The following ACSS2 variants were observed in gnomAD, a reference collection of about 807,000 sequenced individuals.
The protein encoded by ACSS2 is acyl-CoA synthetase short chain family member 2.
In ACSS2, 58 loss-of-function variants were observed where a neutral mutation model predicts 90.6. The observed-to-expected ratio is 0.64, with a 90% CI of 0.52 to 0.80. ACSS2 has a LOEUF of 0.80. Ranked by LOEUF, ACSS2 falls within the 30% of genes least tolerant of loss-of-function variation. ACSS2 has a pLI of 0.00. For synonymous variants in ACSS2, 300 were observed against 330.9 expected (o/e 0.91, Z 1.01); for missense variants, 759 against 912.0 (o/e 0.83, Z 2.16).
chr20:34,879,496 GACACACAC>G (rs11467604), intron 1 of ACSS2, among the ~76,000 whole-genome samples: 80,257 of 147,788 alleles, frequency 0.54, 22,297 homozygotes, highest in South Asian at 0.73. Context: ...TCCAGATTCT[GACACACAC>G]ACACACACAC....
Position 34,925,779 on chromosome 20 carries a change from G to A in ACSS2, c.1726+13G>A, listed in dbSNP as rs746920114. The A allele has an allele frequency of 9.9e-6, 16 of 1,610,652 alleles. No homozygotes were observed. Among genetic ancestry groups the A allele is most frequent in the Admixed American group, 1.7e-5 (1 of 59,652 alleles). Reference sequence around the variant, plus strand: ...CTCAATGTATCTGGTGAGGGCCAGGGGCCACCTTCCCATCTTATTAACTCT... The same window carrying A: ...CTCAATGTATCTGGTGAGGGCCAGGAGCCACCTTCCCATCTTATTAACTCT... On this transcript the variant is annotated intron_variant, in intron 15 of 17. Transcript: ENST00000360596.
intron 2 of ACSS2, among the ~76,000 whole-genome samples, chr20:34,899,583 G>C (rs923590903): frequency 1.3e-5 from 2 of 151,000 alleles, no homozygotes; most frequent in Non-Finnish European, 3.0e-5. Context: ...TCCGCCTCCC[G>C]GGTTCAAGCG....
At position 34,895,761 on chromosome 20, in the gene ACSS2, A is replaced by G. The variant is rs2080445444; in HGVS notation, c.374+12772A>G. Among the ~76,000 whole-genome samples the G allele has an allele frequency of 2.6e-5, 4 of 152,316 alleles. No homozygotes were observed. In the South Asian group the frequency reaches 8.3e-4, roughly 32 times the overall value. On this transcript the variant is annotated intron_variant, in intron 2 of 17. Transcript: ENST00000360596. ...AAAGAAGAACCAACTCAGACAGATC[A>G]TTGTTAGGAAATATTACATATGGAA...
chr20:34,914,113 GA>G lies in ACSS2; in HGVS notation c.665del (p.Lys222SerfsTer3). 6.2e-7 allele frequency: 1 copy of G among 1,614,166 alleles called. No homozygotes were observed. Among genetic ancestry groups the G allele is most frequent in the Non-Finnish European group, 8.5e-7 (1 of 1,180,002 alleles). On this transcript the variant is annotated frameshift_variant, in exon 6 of 18. Coordinates refer to ENST00000360596, the MANE Select transcript of ACSS2 (RefSeq NM_018677.4). LOFTEE classifies it high-confidence loss of function. ...CCCCAAAGATGCCTTCTACAGGGGG[GA>G]AAAGCTTGTGAACCTGAAGGAGCTG... The part of the protein sequence containing the change: ...LITTDAFYRG[E>X]KLVNLKELAD...
At chr20:34,909,033 C>A in intron 2 of ACSS2, 1 of 395,584 alleles carries the variant, frequency 2.5e-6, no homozygotes, top group Non-Finnish European at 5.0e-6. Context: ...GAATATTTTG[C>A]AGCTGAGAAA....
At position 34,921,799 on chromosome 20, in the gene ACSS2, T is replaced by C. The variant is rs1452478600; in HGVS notation, c.1481T>C (p.Phe494Ser). The change falls in exon 13 of 18, where the codon TTT becomes TCT. Residue 494 changes from phenylalanine to serine, a missense_variant. Transcript: ENST00000360596. Reference protein sequence around the residue: ...MKPGSATFPFFGVAPAILNES... With the variant: ...MKPGSATFPFSGVAPAILNES... ...GTTTGCTTCTAGACTTTCCCATTCT[T>C]TGGTGTAGCTCCTGCAATCCTGAAT... 4.3e-6 allele frequency: 7 copies of C among 1,613,844 alleles called. No individual in the cohort carries two copies. The highest frequency in any genetic ancestry group is 5.9e-6 in the Non-Finnish European group (7 of 1,179,918).
chr20:34,901,587 T>C (rs960050220), intron 2 of ACSS2, among the ~76,000 whole-genome samples: 9 of 152,250 alleles, frequency 5.9e-5, no homozygotes, highest in Non-Finnish European at 2.9e-5. Flanking sequence ...GGTATACTTA[T>C]ATCTTGAGTG....
chr20:34,879,521 ACACACACC>A (rs993092462), intron 1 of ACSS2, among the ~76,000 whole-genome samples: 4 of 78,916 alleles, frequency 5.1e-5, no homozygotes, highest in African/African-American at 1.9e-4. Flanking sequence ...ACACACACAC[ACACACACC>A]CCTACCCCCC....
Position 34,920,616 on chromosome 20 carries a change from G to C in ACSS2, c.1050G>C (p.Glu350Asp). ...AGTATGTGTTTGACTTCCATGCAGA[G>C]GATGTGTTCTGGTGCACGGCAGACA... ...TFKYVFDFHA[E>D]DVFWCTADIG... The change falls in exon 9 of 18, where the codon GAG (glutamate) becomes GAC (aspartate). Residue 350 changes from glutamate (E) to aspartate (D), a missense_variant. By Grantham distance (45) the Glu-to-Asp change is conservative. Transcript: ENST00000360596. 6.2e-7 allele frequency: 1 copy of C among 1,614,216 alleles called. No homozygotes were observed. The highest frequency in any genetic ancestry group is 8.5e-7 in the Non-Finnish European group (1 of 1,180,038).
At chr20:34,878,967 C>G (rs2079995588) in intron 1 of ACSS2, among the ~76,000 whole-genome samples, 1 of 146,258 alleles carries the variant, frequency 6.8e-6, no homozygotes, top group African/African-American at 2.5e-5. Flanking sequence ...TGCAGTGGCG[C>G]GATCTCGGCT....
intron 14 of ACSS2, among the ~76,000 whole-genome samples, chr20:34,924,689 T>C (rs1364934220): frequency 2.7e-5 from 3 of 112,410 alleles, no homozygotes; most frequent in Non-Finnish European, 3.9e-5. Context: ...TTTTTTGTTG[T>C]TGTTGTTGTT....
intron 1 of ACSS2, among the ~76,000 whole-genome samples, chr20:34,880,631 A>G (rs1262448148): frequency 2.6e-5 from 4 of 152,110 alleles, no homozygotes; most frequent in Admixed American, 1.3e-4. Flanking sequence ...AGACTGCGCC[A>G]ATTTCTTACA....
intron 7 of ACSS2, 73 bp from the exon 8 acceptor site, chr20:34,919,362 C>T: frequency 6.3e-7 from 1 of 1,587,650 alleles, no homozygotes; most frequent in Non-Finnish European, 8.6e-7. Context: ...CTCATTCCCT[C>T]CAGGGGCAAG....
rs59349371 is a variant in ACSS2, at chr20:34,927,106, G to C, written c.1998G>C (p.Val666=). 1.2e-6 allele frequency: 2 copies of C among 1,614,156 alleles called. No homozygotes were observed. The highest frequency in any genetic ancestry group is 3.3e-5 in the Admixed American group (2 of 60,010). ...KTRSGKIMRR[V]LRKIAQNDHD... ...CCCCAGGGAAAATCATGAGGCGAGTGCTTCGGAAGATTGCTCAGAATGACC... is the reference window on the plus strand; with the variant it reads ...CCCCAGGGAAAATCATGAGGCGAGTCCTTCGGAAGATTGCTCAGAATGACC... Residue 666 remains valine, a synonymous_variant, in exon 18 of 18, where the codon GTG becomes GTC. Transcript: ENST00000360596. The surrounding 1 kb of genome is among the most constrained non-coding windows in gnomAD (Gnocchi z 4.2).
At position 34,925,738 on chromosome 20, in the gene ACSS2, C is replaced by T; in HGVS notation, c.1698C>T (p.Gly566=). The change falls in exon 15 of 18, where the codon GGC becomes GGT. Residue 566 remains glycine, a synonymous_variant. Transcript: ENST00000360596. The stretch of plus-strand genomic sequence containing the variant: ...AGGATGGCTATTACTGGATCACTGG[C>T]AGGATTGATGACATGCTCAATGTAT... ...RDQDGYYWIT[G]RIDDMLNVSG... is the part of the protein sequence containing the mutation. 1 of 1,613,570 alleles carries T rather than the reference C, an allele frequency of 6.2e-7. No homozygotes were observed. The highest frequency in any genetic ancestry group is 1.1e-5 in the South Asian group (1 of 90,896).
At chr20:34,919,675 T>G in intron 8 of ACSS2, 103 bp downstream of exon 8, 4 of 1,452,146 alleles carry the variant, frequency 2.8e-6, no homozygotes, top group Non-Finnish European at 2.8e-6. Flanking sequence ...AAATTATTTT[T>G]TTCCTACAAC....
Position 34,900,761 on chromosome 20 carries a change from A to G in ACSS2, c.375-12335A>G, listed in dbSNP as rs187456877. ...TTTCAAAAGGAACTTTTTCTAAGGA[A>G]CTAAGGGAAAACCAAACAGAATGAT... On this transcript the variant is annotated intron_variant, in intron 2 of 17. Transcript: ENST00000360596. Among the ~76,000 whole-genome samples, 5 of 152,336 alleles carry G rather than the reference A, an allele frequency of 3.3e-5. No individual in the cohort carries two copies. The East Asian group carries it at 9.6e-4, about 29-fold the overall frequency.
chr20:34,889,548 C>G (rs2080284693), intron 2 of ACSS2, among the ~76,000 whole-genome samples: 2 of 152,000 alleles, frequency 1.3e-5, no homozygotes, highest in Middle Eastern at 3.4e-3. Context: ...AGCCACCATG[C>G]CCACCCACAC....
intron 2 of ACSS2, among the ~76,000 whole-genome samples, chr20:34,893,356 C>T (rs1218084160): frequency 6.6e-6 from 1 of 151,950 alleles, no homozygotes; most frequent in Non-Finnish European, 1.5e-5. Flanking sequence ...CATGCACCAA[C>T]ACAATCAGCG....
Sources: gnomAD v4.1 joint callset for allele counts (sites outside exome capture counted in the v4.1 genomes callset) on GRCh38, gnomAD v4.1.1 for gene constraint, Gnocchi (gnomAD v3.1) non-coding constraint, MANE v1.5 for transcripts, NCBI Gene and HGNC (gene_info 2026-07-23, HGNC 2026-07-21) for gene names.